Variants in ASTN2 observed in about 807,000 individuals in gnomAD.
The protein encoded by ASTN2 is astrotactin-2.
In ASTN2, 54 loss-of-function variants were observed where a neutral mutation model predicts 139.8. The ratio of observed to expected loss-of-function variants is 0.39; its 90% confidence interval spans 0.31 to 0.48. The LOEUF (loss-of-function observed/expected upper bound fraction) is 0.48, where lower values mean the gene tolerates loss of function less well. Among genes scored for constraint, ASTN2 ranks in the 20% least tolerant of loss-of-function variants. The probability of loss-of-function intolerance (pLI) is 0.95; values close to 1 mark genes in which losing one functional copy is unlikely to be tolerated. For missense variants in ASTN2, 1,565 were observed against 1,725.1 expected (o/e 0.91, Z 1.64); for synonymous variants, 756 against 719.5 (o/e 1.05, Z -0.81).
At chr9:117,409,185 A>T (rs897350650) in intron 1 of ASTN2, among the ~76,000 whole-genome samples, 2 of 152,154 alleles carry the variant, frequency 1.3e-5, no homozygotes, top group Non-Finnish European at 2.9e-5. Flanking sequence ...TCTTTCTCTC[A>T]CACATAAGAA....
At chr9:116,715,680 A>G (rs1828292348) in intron 16 of ASTN2, among the ~76,000 whole-genome samples, 1 of 152,194 alleles carries the variant, frequency 6.6e-6, no homozygotes, top group African/African-American at 2.4e-5. Flanking sequence ...TATTAAAAAA[A>G]TCTGTTCACC....
chr9:117,360,002 C>A (rs1829649123), intron 1 of ASTN2, among the ~76,000 whole-genome samples: 1 of 152,170 alleles, frequency 6.6e-6, no homozygotes, highest in African/African-American at 2.4e-5. Flanking sequence ...AAAGTAGATG[C>A]AAGCCCGTTG....
At chr9:116,848,462 G>GCAAACAC (rs1832505491) in intron 11 of ASTN2, among the ~76,000 whole-genome samples, 1 of 152,126 alleles carries the variant, frequency 6.6e-6, no homozygotes, top group African/African-American at 2.4e-5. Flanking sequence ...AACCTATGTG[G>GCAAACAC]CAAACACCAA....
chr9:117,240,419 GAAC>G (rs370308925), intron 2 of ASTN2, among the ~76,000 whole-genome samples: 104 of 152,128 alleles, frequency 6.8e-4, no homozygotes, highest in Non-Finnish European at 1.3e-3. Flanking sequence ...CCAGGATAAA[GAAC>G]AACAGCACAT....
At chr9:116,938,551 C>T (rs1160153815) in intron 10 of ASTN2, among the ~76,000 whole-genome samples, 5 of 152,038 alleles carry the variant, frequency 3.3e-5, no homozygotes, top group Admixed American at 2.6e-4. Flanking sequence ...TCAACAATAC[C>T]CCCCACTCCA....
At chr9:116,434,295 T>A (rs1847583374) in intron 22 of ASTN2, among the ~76,000 whole-genome samples, 1 of 152,210 alleles carries the variant, frequency 6.6e-6, no homozygotes, top group Non-Finnish European at 1.5e-5. Context: ...ATTATAGGAA[T>A]ATGACCCTAG....
chr9:116,900,543 G>A (rs556820035), intron 10 of ASTN2, among the ~76,000 whole-genome samples: 2 of 152,150 alleles, frequency 1.3e-5, no homozygotes, highest in Non-Finnish European at 2.9e-5. Flanking sequence ...GAAATGAAAA[G>A]TTTAAAAGTT....
intron 10 of ASTN2, among the ~76,000 whole-genome samples, chr9:116,871,225 T>G (rs772195340): frequency 3.9e-5 from 6 of 152,180 alleles, no homozygotes; most frequent in Non-Finnish European, 5.9e-5. Flanking sequence ...GCCACGGCAC[T>G]GCAGCCTGGG....
chr9:116,594,497 A>G (rs771673110), intron 19 of ASTN2, among the ~76,000 whole-genome samples: 22 of 152,210 alleles, frequency 1.4e-4, no homozygotes, highest in Non-Finnish European at 2.8e-4. Flanking sequence ...CTTATAAACT[A>G]TATAATTATC....
At chr9:117,203,333 C>G (rs1193456541) in intron 3 of ASTN2, among the ~76,000 whole-genome samples, 2 of 152,078 alleles carry the variant, frequency 1.3e-5, no homozygotes, top group East Asian at 3.9e-4. Context: ...GAAGCCTACT[C>G]TGTCAATTCA....
At chr9:117,198,905 T>C (rs1314595350) in intron 3 of ASTN2, among the ~76,000 whole-genome samples, 1 of 151,650 alleles carries the variant, frequency 6.6e-6, no homozygotes, top group Non-Finnish European at 1.5e-5. Context: ...TGGGCTGTTT[T>C]TCATATGTTT....
At chr9:117,093,869 C>G (rs1021849448) in intron 5 of ASTN2, among the ~76,000 whole-genome samples, 5 of 152,140 alleles carry the variant, frequency 3.3e-5, no homozygotes, top group Non-Finnish European at 5.9e-5. Flanking sequence ...GTAATTCATG[C>G]TCACTGAATC....
chr9:117,066,907 C>T (rs1050598443), intron 5 of ASTN2, among the ~76,000 whole-genome samples: 8 of 121,744 alleles, frequency 6.6e-5, no homozygotes, highest in Admixed American at 5.2e-4. Context: ...TGGATATTAG[C>T]CCTTTGTCAG....
At chr9:116,924,583 C>T (rs929029588) in intron 10 of ASTN2, among the ~76,000 whole-genome samples, 7 of 152,052 alleles carry the variant, frequency 4.6e-5, no homozygotes, top group Non-Finnish European at 8.8e-5. Flanking sequence ...GCAGGCAATT[C>T]CTGGAACTGA....
intron 10 of ASTN2, among the ~76,000 whole-genome samples, chr9:116,928,804 C>A (rs1239973347): frequency 6.6e-6 from 1 of 151,610 alleles, no homozygotes; most frequent in Non-Finnish European, 1.5e-5. Flanking sequence ...GCGTTCATAG[C>A]AACAGTGGCC....
rs529793293 is a variant in ASTN2, at chr9:116,528,556, T to C, written c.3356-41056A>G. Among the ~76,000 whole-genome samples, 4 of 152,300 alleles carry C rather than the reference T, an allele frequency of 2.6e-5. No individual in the cohort carries two copies. In the South Asian group the frequency reaches 6.2e-4, roughly 24 times the overall value. On this transcript the variant is annotated intron_variant, in intron 19 of 22. Transcript: ENST00000313400. ...AAAAACCCATTTTTTGCAGAGAAAT[T>C]CAAGCCATCAGCTGCAAAAAAATTG...
chr9:116,884,584 A>G (rs1467089474), intron 10 of ASTN2, among the ~76,000 whole-genome samples: 1 of 151,862 alleles, frequency 6.6e-6, no homozygotes, highest in Non-Finnish European at 1.5e-5. Flanking sequence ...CCTCTGGGGA[A>G]TCTCTTGAAC....
intron 1 of ASTN2, among the ~76,000 whole-genome samples, chr9:117,411,018 G>C (rs1564190514): frequency 6.6e-6 from 1 of 152,082 alleles, no homozygotes; most frequent in Non-Finnish European, 1.5e-5. Flanking sequence ...CTTCATATTT[G>C]GTTCAGAATA....
intron 20 of ASTN2, among the ~76,000 whole-genome samples, chr9:116,448,204 G>A (rs1848064166): frequency 6.8e-6 from 1 of 146,494 alleles, no homozygotes; most frequent in Non-Finnish European, 1.5e-5. Context: ...AGAGGCCCCA[G>A]TCTTGTAAAA....
Sources: allele counts gnomAD v4.1 joint callset (sites outside exome capture counted in the v4.1 genomes callset), GRCh38; gene constraint gnomAD v4.1.1; transcripts MANE v1.5; gene names NCBI Gene and HGNC (gene_info 2026-07-23, HGNC 2026-07-21).